LSM14A: variants seen among roughly 807,000 people sequenced by gnomAD.
LSM14A encodes the protein LSM14A mRNA processing body assembly factor.
LSM14A carries 14 observed loss-of-function variants against 52.4 expected under a neutral mutation model. The observed-to-expected ratio is 0.27, with a 90% CI of 0.18 to 0.42. LSM14A has a LOEUF of 0.42. Ranked by LOEUF, LSM14A falls within the 10% of genes least tolerant of loss-of-function variation. The pLI, the probability that LSM14A is intolerant of heterozygous loss-of-function variation, is 1.00. For missense variants in LSM14A, 417 were observed against 581.8 expected, an observed-to-expected ratio of 0.72 and a Z score of 2.91; for synonymous variants, 185 against 200.3, an observed-to-expected ratio of 0.92 and a Z score of 0.64.
intron 6 of LSM14A, 98 bp downstream of exon 6, chr19:34,215,759 G>C: frequency 8.2e-6 from 7 of 855,300 alleles, no homozygotes; most frequent in Non-Finnish European, 1.3e-5. Flanking sequence ...TGAAAGGCGG[G>C]GGTTGTGACT....
chr19:34,178,789 C>A (rs1041472688), intron 1 of LSM14A, among the ~76,000 whole-genome samples: 1 of 152,154 alleles, frequency 6.6e-6, no homozygotes, highest in African/African-American at 2.4e-5. Flanking sequence ...ATTAAGAAAT[C>A]TTGAAGAATT....
At position 34,227,937 on chromosome 19, in the gene LSM14A, T is replaced by A. The variant is rs2073431662; in HGVS notation, c.*549T>A. 6.5e-6 allele frequency: 1 copy of A among 152,714 alleles called. No homozygotes were observed. Among genetic ancestry groups the A allele is most frequent in the Non-Finnish European group, 1.5e-5 (1 of 68,128 alleles). 9.5% of individuals were successfully genotyped at this position (152,714 alleles called of 1,614,324 possible). A position where few individuals can be genotyped will look rare whatever the true frequency, so the allele number is the denominator to read the frequency against. On this transcript the variant is annotated 3_prime_UTR_variant, in exon 10 of 10. Coordinates refer to ENST00000544216, the MANE Select transcript of LSM14A (RefSeq NM_015578.4). ...ATGGTAGAGAATTTTGTCAGTCAAC[T>A]ATGTACACACAGTAAATACTGTTTC...
chr19:34,221,716 A>T lies in LSM14A; in HGVS notation c.1346A>T (p.Glu449Val). ...GGFRGGRGGR[E>V]FADFEYRKDN... ...TTCAGAGGAGGTCGTGGGGGCCGGG[A>T]GTTTGCGGATTTTGAATATAGGGTA... Residue 449 changes from glutamate (E) to valine (V), a missense_variant, in exon 9 of 10, where the codon GAG (glutamate) becomes GTG (valine). Physicochemically the swap from Glu to Val is moderately radical, Grantham distance 121. This residue lies in a region of LSM14A where 357 missense variants were observed against 457.0 expected (regional missense o/e 0.78). Transcript: ENST00000544216. The T allele has an allele frequency of 1.9e-6, 3 of 1,613,064 alleles. No individual in the cohort carries two copies. The highest frequency in any genetic ancestry group is 1.7e-6 in the Non-Finnish European group (2 of 1,179,218).
At chr19:34,208,754 C>G in intron 3 of LSM14A, 175 bp from the exon 4 acceptor site, 1 of 512,702 alleles carries the variant, frequency 2.0e-6, no homozygotes. Context: ...CTCCATATTG[C>G]CATAAAATTC....
chr19:34,189,291 T>C (rs1421705394), intron 1 of LSM14A, among the ~76,000 whole-genome samples: 2 of 152,142 alleles, frequency 1.3e-5, no homozygotes, highest in Non-Finnish European at 2.9e-5. Flanking sequence ...AAACCAATAG[T>C]AGTACTTATT....
chr19:34,221,571 C>G lies in LSM14A; in HGVS notation c.1201C>G (p.Arg401Gly). The G allele has an allele frequency of 6.2e-7, 1 of 1,614,158 alleles. No individual in the cohort carries two copies. Among genetic ancestry groups the G allele is most frequent in the Non-Finnish European group, 8.5e-7 (1 of 1,180,036 alleles). The change falls in exon 9 of 10, where the codon CGT (arginine) becomes GGT (glycine). Residue 401 changes from arginine (R) to glycine (G), a missense_variant. Arg to Gly is a moderately radical substitution (Grantham distance 125). Transcript: ENST00000544216. ...LNAETFGIPL[R>G]PNRGRGGYRG... is the part of the protein sequence containing the mutation. ...TGCTGAAACATTTGGAATCCCACTT[C>G]GTCCAAACCGTGGCCGTGGGGGATA...
intron 4 of LSM14A, among the ~76,000 whole-genome samples, chr19:34,214,527 T>G (rs930933747): frequency 1.3e-5 from 2 of 152,148 alleles, no homozygotes; most frequent in African/African-American, 4.8e-5. Context: ...TAGGCTGGTC[T>G]TGAAATCCTG....
intron 9 of LSM14A, among the ~76,000 whole-genome samples, chr19:34,225,157 T>C (rs1294557580): frequency 6.6e-6 from 1 of 152,244 alleles, no homozygotes; most frequent in Non-Finnish European, 1.5e-5. Flanking sequence ...CATGGAGCCA[T>C]AGTGGGCTTG....
chr19:34,173,921 G>C (rs2145435380), intron 1 of LSM14A, among the ~76,000 whole-genome samples: 1 of 145,704 alleles, frequency 6.9e-6, no homozygotes, highest in East Asian at 1.9e-4. Context: ...TTTCTTGGAT[G>C]CTCTGGTAAA....
Position 34,214,155 on chromosome 19 carries a change from T to C in LSM14A, c.539-969T>C, listed in dbSNP as rs1256157049. 5.9e-5 allele frequency among the ~76,000 whole-genome samples: 9 copies of C among 152,280 alleles called. No homozygotes were observed. In the South Asian group the frequency reaches 1.2e-3, roughly 21 times the overall value. ...AGGAATGAGTATGGCTACTGTGTAA[T>C]TATCTGAAGGGTTTTTTTTGTTTGT... On this transcript the variant is annotated intron_variant, in intron 4 of 9. Coordinates refer to ENST00000544216, the MANE Select transcript of LSM14A (RefSeq NM_015578.4).
At chr19:34,186,900 T>C (rs1044578965) in intron 1 of LSM14A, among the ~76,000 whole-genome samples, 9 of 152,146 alleles carry the variant, frequency 5.9e-5, no homozygotes, top group African/African-American at 1.7e-4. Flanking sequence ...TTCTTTTTCT[T>C]TTCAGTTAAC....
chr19:34,212,000 AAAAG>A (rs1398513391), intron 4 of LSM14A, among the ~76,000 whole-genome samples: 14 of 152,284 alleles, frequency 9.2e-5, no homozygotes, highest in Middle Eastern at 3.4e-3. Flanking sequence ...AATGCAGGAA[AAAAG>A]AAAGAGATGA....
In LSM14A at chr19:34,215,254, GC is replaced by G; in HGVS notation, c.671del (p.Pro224HisfsTer37). The part of the protein sequence containing the change: ...RRSPVSTRPL[P>X]SASQKAGENQ... Reference sequence around the variant, plus strand: ...GGAGTCCTGTATCAACCAGGCCTTTGCCATCTGCCAGCCAAAAGGCAGGAGA... The same window carrying G: ...GGAGTCCTGTATCAACCAGGCCTTTGCATCTGCCAGCCAAAAGGCAGGAGA... On this transcript the variant is annotated frameshift_variant, in exon 5 of 10. Coordinates refer to ENST00000544216, the MANE Select transcript of LSM14A (RefSeq NM_015578.4). LOFTEE classifies it high-confidence loss of function. 1 of 1,613,956 alleles carries G rather than the reference GC, an allele frequency of 6.2e-7. No individual in the cohort carries two copies. Among genetic ancestry groups the G allele is most frequent in the South Asian group, 1.1e-5 (1 of 91,038 alleles).
intron 4 of LSM14A, among the ~76,000 whole-genome samples, chr19:34,210,676 C>T (rs1399641075): frequency 6.6e-6 from 1 of 152,122 alleles, no homozygotes; most frequent in Non-Finnish European, 1.5e-5. Flanking sequence ...TCATGGCTCA[C>T]TGCAGCCTCT....
chr19:34,194,014 A>G (rs2070658873), intron 1 of LSM14A, among the ~76,000 whole-genome samples: 4 of 152,184 alleles, frequency 2.6e-5, no homozygotes, highest in African/African-American at 7.2e-5. Context: ...CTACTAAAAA[A>G]TAAAAAAAGT....
At chr19:34,197,573 G>C (rs1242553812) in intron 3 of LSM14A, among the ~76,000 whole-genome samples, 1 of 150,736 alleles carries the variant, frequency 6.6e-6, no homozygotes, top group Non-Finnish European at 1.5e-5. Context: ...TGAGTAGCTG[G>C]GATTACAGGT....
chr19:34,208,827 G>A lies in LSM14A; in HGVS notation c.416-102G>A, dbSNP rs2071905810. 4.1e-6 allele frequency: 3 copies of A among 727,592 alleles called. No homozygotes were observed. The Admixed American group carries it at 9.0e-5, about 22-fold the overall frequency. 45.1% of individuals were successfully genotyped at this position (727,592 alleles called of 1,614,324 possible). A position where few individuals can be genotyped will look rare whatever the true frequency, so the allele number is the denominator to read the frequency against. On this transcript the variant is annotated intron_variant, in intron 3 of 9. Transcript: ENST00000544216. ...AATTTGTACAGATGCTGGGGGGAGA[G>A]GTAGACAATTACCATCATTAAAATG...
chr19:34,176,606 A>C (rs1405107580), intron 1 of LSM14A, among the ~76,000 whole-genome samples: 1 of 152,122 alleles, frequency 6.6e-6, no homozygotes, highest in African/African-American at 2.4e-5. Flanking sequence ...TATATATTTT[A>C]TTTTTAGCTT....
chr19:34,177,724 CA>C (rs905316513), intron 1 of LSM14A, among the ~76,000 whole-genome samples: 6 of 98,382 alleles, frequency 6.1e-5, no homozygotes, highest in African/African-American at 2.4e-4. Flanking sequence ...TCCATTTCTA[CA>C]AAAAATTTTA....
Sources: allele counts gnomAD v4.1 joint callset (sites outside exome capture counted in the v4.1 genomes callset), GRCh38; gene constraint gnomAD v4.1.1; regional missense constraint gnomAD v4.1.1; transcripts MANE v1.5; gene names NCBI Gene and HGNC (gene_info 2026-07-23, HGNC 2026-07-21).